The following ZNF320 variants were observed in gnomAD, a reference collection of about 807,000 sequenced individuals.
ZNF320 encodes zinc finger protein 320, also known as zinc finger gene 320.
ZNF320 carries 2 observed loss-of-function variants against 6.8 expected under a neutral mutation model. The ratio of observed to expected loss-of-function variants is 0.29; its 90% confidence interval spans 0.12 to 0.93. The LOEUF (loss-of-function observed/expected upper bound fraction) is 0.93. Ranked by LOEUF, ZNF320 falls within the 40% of genes least tolerant of loss-of-function variation. The probability of loss-of-function intolerance (pLI) is 0.55; values close to 1 mark genes in which losing one functional copy is unlikely to be tolerated. For synonymous variants in ZNF320, 208 were observed against 203.2 expected, an observed-to-expected ratio of 1.02 and a Z score of -0.20; for missense variants, 472 against 611.0, an observed-to-expected ratio of 0.77 and a Z score of 2.40.
chr19:52,887,032 A>T (rs2064113035), intron 5 of ZNF320, among the ~76,000 whole-genome samples: 1 of 145,242 alleles, frequency 6.9e-6, no homozygotes, highest in South Asian at 2.2e-4. Context: ...ACAAAAGAAA[A>T]GAAAAGAAGT....
At chr19:52,887,000 A>AGGAAGGAAGGAAGGAAGGAG (rs1555821376) in intron 5 of ZNF320, among the ~76,000 whole-genome samples, 3 of 87,434 alleles carry the variant, frequency 3.4e-5, no homozygotes, top group African/African-American at 1.2e-4. Context: ...GAAGGAAGGA[A>AGGAAGGAAGGAAGGAAGGAG]GGAAGGAAAA....
At chr19:52,875,442 A>T (rs2063749143), downstream of ZNF320, among the ~76,000 whole-genome samples, 1 of 152,218 alleles carries the variant, frequency 6.6e-6, no homozygotes, top group Admixed American at 6.5e-5. Flanking sequence ...GAATAGGTTC[A>T]AGATGATTTG....
downstream of ZNF320, among the ~76,000 whole-genome samples, chr19:52,860,615 A>G (rs2063482224): frequency 6.6e-6 from 1 of 151,682 alleles, no homozygotes; most frequent in Admixed American, 6.6e-5. Flanking sequence ...AAAAAAGAAA[A>G]AGAAAAAAAA....
chr19:52,859,776 A>C (rs1458855383), downstream of ZNF320, among the ~76,000 whole-genome samples: 1 of 152,194 alleles, frequency 6.6e-6, no homozygotes, highest in Non-Finnish European at 1.5e-5. Context: ...GGGGCTGGGT[A>C]GTCTTCCTAC....
At chr19:52,864,994 T>C (rs1227911290) in intron 5 of ZNF320, among the ~76,000 whole-genome samples, 17 of 150,968 alleles carry the variant, frequency 1.1e-4, no homozygotes, top group Admixed American at 1.1e-3. Context: ...GCCTGGGTGA[T>C]AGAGCGAGAC....
At chr19:52,894,687 C>T (rs891887295) in intron 1 of ZNF320, among the ~76,000 whole-genome samples, 1 of 151,860 alleles carries the variant, frequency 6.6e-6, no homozygotes, top group African/African-American at 2.4e-5. Flanking sequence ...TCCTGGTCCA[C>T]ATGGTAAAAC....
At chr19:52,874,905 G>A (rs1284533221), downstream of ZNF320, among the ~76,000 whole-genome samples, 1 of 152,142 alleles carries the variant, frequency 6.6e-6, no homozygotes, top group East Asian at 1.9e-4. Flanking sequence ...AGCAACCTCA[G>A]TCCCAGAAAA....
chr19:52,884,039 C>T (rs1374105686), intron 5 of ZNF320, among the ~76,000 whole-genome samples: 1 of 152,108 alleles, frequency 6.6e-6, no homozygotes, highest in Non-Finnish European at 1.5e-5. Context: ...AGGACTAGTG[C>T]ATTTATAGAG....
At chr19:52,887,162 AC>A (rs1442614494) in intron 5 of ZNF320, among the ~76,000 whole-genome samples, 1 of 152,038 alleles carries the variant, frequency 6.6e-6, no homozygotes, top group Non-Finnish European at 1.5e-5. Flanking sequence ...TTCCCCACAC[AC>A]TATTTGAAGG....
chr19:52,889,896 C>T (rs2064232072), intron 4 of ZNF320, among the ~76,000 whole-genome samples: 1 of 152,142 alleles, frequency 6.6e-6, no homozygotes, highest in Non-Finnish European at 1.5e-5. Context: ...GGCAGCTGCT[C>T]TAATCCTGGT....
At chr19:52,886,977 AGAAGGAAGGAAG>A (rs57415767) in intron 5 of ZNF320, among the ~76,000 whole-genome samples, 1 of 123,152 alleles carries the variant, frequency 8.1e-6, no homozygotes, top group African/African-American at 3.2e-5. Context: ...AAAGAAAGAA[AGAAGGAAGGAAG>A]GAAGGAAGGA....
chr19:52,861,521 G>A (rs1021200481), exon 6 of ZNF320, among the ~76,000 whole-genome samples: 1 of 152,134 alleles, frequency 6.6e-6, no homozygotes, highest in African/African-American at 2.4e-5. Context: ...AGTGGCACAC[G>A]TCTGTTGGCC....
At chr19:52,861,253 G>A (rs770996156) in exon 6 of ZNF320, among the ~76,000 whole-genome samples, 13 of 152,044 alleles carry the variant, frequency 8.6e-5, no homozygotes, top group Non-Finnish European at 1.8e-4. Flanking sequence ...TAAGAAAACC[G>A]TTCCATTTGC....
exon 6 of ZNF320, among the ~76,000 whole-genome samples, chr19:52,863,256 A>C (rs1332588568): frequency 6.6e-6 from 1 of 152,180 alleles, no homozygotes; most frequent in Non-Finnish European, 1.5e-5. Flanking sequence ...AACACATAGA[A>C]ATGAATAAGT....
chr19:52,887,983 G>A, intron 5 of ZNF320, 144 bp downstream of exon 5: 1 of 1,411,538 alleles, frequency 7.1e-7, no homozygotes. Flanking sequence ...TGAAAGTCCA[G>A]ATGCTACATC....
At chr19:52,866,033 TATG>T (rs1373104231) in intron 5 of ZNF320, among the ~76,000 whole-genome samples, 5 of 134,372 alleles carry the variant, frequency 3.7e-5, no homozygotes, top group South Asian at 4.3e-4. Flanking sequence ...TATTTATATA[TATG>T]ATTATACATA....
rs371953748 is a variant in ZNF320 at position 52,881,964 on chromosome 19, C to G, written c.162G>C (p.Met54Ile). The change falls in exon 6 of 6, where the codon ATG (methionine) becomes ATC (isoleucine). Residue 54 changes from methionine (M) to isoleucine (I), a missense_variant. Met to Ile is a conservative substitution (Grantham distance 10, BLOSUM62 1). Coordinates refer to ENST00000682928, the MANE Select transcript of ZNF320 (RefSeq NM_001351774.2). Reference protein sequence around the residue: ...LVSLDISSKCMMNTLSSTGQG... With the variant: ...LVSLDISSKCIMNTLSSTGQG... The stretch of plus-strand genomic sequence containing the variant: ...GCCCTGTTGATGACAATGTATTCAT[C>G]ATGCATTTGGAAGAGATATCTACAA... 1.9e-6 allele frequency: 3 copies of G among 1,606,550 alleles called. No homozygotes were observed. The highest frequency in any genetic ancestry group is 2.5e-6 in the Non-Finnish European group (3 of 1,177,362).
rs576930162 is a variant in ZNF320 at position 52,882,064 on chromosome 19, A to G, written c.143-81T>C. ...TGAAATGTATAAATATCACACACAC[A>G]CAAAAATACTTATTTTAAACTTCCC... On this transcript the variant is annotated intron_variant, in intron 5 of 5. Transcript: ENST00000682928. 36 of 1,337,390 alleles carry G rather than the reference A, an allele frequency of 2.7e-5. No homozygotes were observed. In the Middle Eastern group the frequency reaches 7.6e-4, roughly 28 times the overall value. 82.8% of individuals were successfully genotyped at this position (1,337,390 alleles called of 1,614,324 possible). A position where few individuals can be genotyped will look rare whatever the true frequency, so the allele number is the denominator to read the frequency against.
chr19:52,894,523 T>C (rs967088166), intron 1 of ZNF320, among the ~76,000 whole-genome samples: 2 of 152,068 alleles, frequency 1.3e-5, no homozygotes. Flanking sequence ...CCCAGAAATA[T>C]GACAGTAATA....
Sources: gnomAD v4.1 joint callset for allele counts (sites outside exome capture counted in the v4.1 genomes callset) on GRCh38, gnomAD v4.1.1 for gene constraint, MANE v1.5 for transcripts, NCBI Gene and HGNC (gene_info 2026-07-23, HGNC 2026-07-21) for gene names.